FMN2: variants seen among roughly 807,000 people sequenced by gnomAD.
The protein encoded by FMN2 is formin-2.
In FMN2, 51 loss-of-function variants were observed where a neutral mutation model predicts 142.3. The ratio of observed to expected loss-of-function variants is 0.36; its 90% CI spans 0.29 to 0.45. The LOEUF (loss-of-function observed/expected upper bound fraction) is 0.45, where lower values mean the gene tolerates loss of function less well. Among genes scored for constraint, FMN2 ranks in the 20% least tolerant of loss-of-function variants. The probability of loss-of-function intolerance (pLI) is 1.00; values close to 1 mark genes in which losing one functional copy is unlikely to be tolerated. For synonymous variants in FMN2, 882 were observed against 869.8 expected (o/e 1.01, Z -0.25); for missense variants, 1,936 against 2,122.8 (o/e 0.91, Z 1.73).
chr1:240,208,885 G>A (rs1242477063), intron 5 of FMN2, among the ~76,000 whole-genome samples, 153 bp downstream of exon 5: 1 of 152,146 alleles, frequency 6.6e-6, no homozygotes, highest in Non-Finnish European at 1.5e-5. Context: ...GCAGCAGTTT[G>A]CTATTTAAAG....
In FMN2 at chr1:240,438,194, C is replaced by G. The variant is rs1675467268; in HGVS notation, c.5044C>G (p.Leu1682Val). Residue 1682 changes from leucine (L) to valine (V), a missense_variant, in exon 16 of 18, where the codon CTT becomes GTT. Leu to Val is a conservative substitution (Grantham distance 32). Coordinates refer to ENST00000319653, the MANE Select transcript of FMN2 (RefSeq NM_020066.5). ...FKDFWKKENK[L>V]LLQERVKEAE... Reference sequence around the variant, plus strand: ...AGACTTCTGGAAGAAAGAGAACAAACTTCTTCTACAAGAGAGGTAGGTATT... The same window carrying G: ...AGACTTCTGGAAGAAAGAGAACAAAGTTCTTCTACAAGAGAGGTAGGTATT... 1.9e-6 allele frequency: 3 copies of G among 1,613,360 alleles called. No homozygotes were observed. In the East Asian group the frequency reaches 6.7e-5, roughly 36 times the overall value.
intron 6 of FMN2, among the ~76,000 whole-genome samples, chr1:240,229,683 A>G (rs1195434398): frequency 6.6e-6 from 1 of 151,444 alleles, no homozygotes; most frequent in Non-Finnish European, 1.5e-5. Flanking sequence ...TAAGAGACAG[A>G]GTCTCAGACT....
intron 16 of FMN2, among the ~76,000 whole-genome samples, chr1:240,448,939 T>G (rs911939343): frequency 2.0e-5 from 3 of 151,912 alleles, no homozygotes; most frequent in African/African-American, 7.3e-5. Context: ...GCCTAGGAGT[T>G]GAGACCAGCC....
intron 2 of FMN2, among the ~76,000 whole-genome samples, chr1:240,175,944 A>T (rs1383589087): frequency 6.6e-6 from 1 of 152,158 alleles, no homozygotes; most frequent in Non-Finnish European, 1.5e-5. Flanking sequence ...TTCTATATTC[A>T]GGATGTTAAA....
chr1:240,097,418 C>T (rs556683492), intron 1 of FMN2, among the ~76,000 whole-genome samples: 2 of 150,854 alleles, frequency 1.3e-5, no homozygotes, highest in East Asian at 2.0e-4. Context: ...TGCAGTGGCA[C>T]GACTTCTGCT....
Position 240,194,702 on chromosome 1 carries a change from C to A in FMN2, c.1986+6440C>A, listed in dbSNP as rs553600501. Among the ~76,000 whole-genome samples the A allele has an allele frequency of 2.6e-5, 4 of 152,294 alleles. No individual in the cohort carries two copies. In the East Asian group the frequency reaches 7.7e-4, roughly 29 times the overall value. On this transcript the variant is annotated intron_variant, in intron 4 of 17. Coordinates refer to ENST00000319653, the MANE Select transcript of FMN2 (RefSeq NM_020066.5). ...TTTGGCAGCCTTGAGTTTTCTTAGG[C>A]AGTAATTTAAAGAGCGGTAGGATTA... is the stretch of plus-strand genomic sequence containing the variant.
At chr1:240,400,757 T>G (rs2103109900) in intron 15 of FMN2, 1 of 152,406 alleles carries the variant, frequency 6.6e-6, no homozygotes, top group South Asian at 2.1e-4. Context: ...TATGGAGTTC[T>G]TCTTTTGCTT....
intron 2 of FMN2, among the ~76,000 whole-genome samples, chr1:240,173,553 A>G (rs6691735): frequency 0.31 from 47,067 of 151,948 alleles, 7,854 homozygotes; most frequent in African/African-American, 0.45. Flanking sequence ...GAGCTGGAGA[A>G]GGCATTCTAG....
At chr1:240,128,895 A>G (rs1025118042) in intron 2 of FMN2, among the ~76,000 whole-genome samples, 4 of 152,008 alleles carry the variant, frequency 2.6e-5, no homozygotes, top group African/African-American at 9.7e-5. Flanking sequence ...CTTTTTTGAG[A>G]CAGAATCTCA....
At chr1:240,099,335 T>C (rs996562676) in intron 1 of FMN2, among the ~76,000 whole-genome samples, 4 of 152,126 alleles carry the variant, frequency 2.6e-5, no homozygotes, top group Admixed American at 6.6e-5. Flanking sequence ...GCAAATTGTT[T>C]ATGTATTATT....
intron 6 of FMN2, among the ~76,000 whole-genome samples, chr1:240,228,118 A>G (rs1264385959): frequency 4.0e-5 from 6 of 151,878 alleles, no homozygotes; most frequent in Non-Finnish European, 7.4e-5. Context: ...AGCCTGACCA[A>G]CATGGAGAAA....
intron 6 of FMN2, among the ~76,000 whole-genome samples, chr1:240,220,820 A>C (rs926196479): frequency 6.6e-6 from 1 of 152,002 alleles, no homozygotes; most frequent in Non-Finnish European, 1.5e-5. Context: ...GCACCCATCA[A>C]CCCGTCATCT....
At chr1:240,191,047 T>G (rs1665678041) in intron 4 of FMN2, among the ~76,000 whole-genome samples, 2 of 152,180 alleles carry the variant, frequency 1.3e-5, no homozygotes, top group African/African-American at 4.8e-5. Context: ...ATGATGAACC[T>G]AAGAGATTTT....
chr1:240,099,432 G>A (rs1661337114), intron 1 of FMN2, among the ~76,000 whole-genome samples: 1 of 151,514 alleles, frequency 6.6e-6, no homozygotes, highest in East Asian at 1.9e-4. Context: ...AGCATATGAT[G>A]GGGTGTGGCT....
In FMN2 at chr1:240,372,280, A is replaced by G. The variant is rs370759945; in HGVS notation, c.4858+16372A>G. Among the ~76,000 whole-genome samples the G allele has an allele frequency of 2.0e-5, 3 of 152,292 alleles. No homozygotes were observed. In the East Asian group the frequency reaches 5.8e-4, roughly 29 times the overall value. On this transcript the variant is annotated intron_variant, in intron 14 of 17. Coordinates refer to ENST00000319653, the MANE Select transcript of FMN2 (RefSeq NM_020066.5). ...GAAAAGTCATCTAACTCATATGGCA[A>G]ATGGTCTCATATCATGTGCCAAATC...
intron 2 of FMN2, among the ~76,000 whole-genome samples, chr1:240,152,728 G>T (rs141986270): frequency 3.6e-4 from 55 of 152,272 alleles, no homozygotes; most frequent in African/African-American, 1.3e-3. Context: ...AACCTTTGCT[G>T]CTCTACTAAG....
chr1:240,333,955 A>C lies in FMN2; in HGVS notation c.4644+9A>C. On this transcript the variant is annotated intron_variant, in intron 12 of 17. Coordinates refer to ENST00000319653, the MANE Select transcript of FMN2 (RefSeq NM_020066.5). ...TCCGAAATTTTGATGAGGTAAGACA[A>C]TTTTTACATATAGTCATATTCCATT... 1 of 1,602,344 alleles carries C rather than the reference A, an allele frequency of 6.2e-7. No individual in the cohort carries two copies. The highest frequency in any genetic ancestry group is 1.7e-4 in the Middle Eastern group (1 of 6,006).
rs189717444 is a variant in FMN2, at chr1:240,306,098, T to C, written c.4215+11215T>C. ...CTGAGTAGCTGGGATTACAGGCATGTACCACCATGCCCAGCTAATTTTTGT... is the reference window on the plus strand; with the variant it reads ...CTGAGTAGCTGGGATTACAGGCATGCACCACCATGCCCAGCTAATTTTTGT... On this transcript the variant is annotated intron_variant, in intron 8 of 17. Coordinates refer to ENST00000319653, the MANE Select transcript of FMN2 (RefSeq NM_020066.5). Among the ~76,000 whole-genome samples the C allele has an allele frequency of 3.0e-4, 45 of 151,968 alleles. 1 individual carries two copies. In the East Asian group the frequency reaches 8.4e-3, roughly 28 times the overall value.
intron 16 of FMN2, among the ~76,000 whole-genome samples, chr1:240,456,932 G>A (rs777512312): frequency 2.6e-5 from 4 of 152,144 alleles, no homozygotes; most frequent in African/African-American, 7.2e-5. Context: ...TTTAAGGTTC[G>A]CTATGAAGAT....
Sources: allele counts gnomAD v4.1 joint callset (sites outside exome capture counted in the v4.1 genomes callset), GRCh38; gene constraint gnomAD v4.1.1; transcripts MANE v1.5; gene names NCBI Gene and HGNC (gene_info 2026-07-23, HGNC 2026-07-21).